MIPOL1: variants seen among roughly 807,000 people sequenced by gnomAD.
MIPOL1 encodes the protein mirror-image polydactyly 1, also known as mirror-image polydactyly gene 1 protein.
Under a neutral mutation model 60.9 loss-of-function variants are expected in MIPOL1, and 57 were observed. That is an observed-to-expected ratio of 0.94 (90% CI 0.76 to 1.17). MIPOL1 has a LOEUF of 1.17. MIPOL1 is among the 50% of genes most tolerant of loss of function. The pLI is 0.00. For synonymous variants in MIPOL1, 179 were observed against 168.8 expected, an observed-to-expected ratio of 1.06 and a Z score of -0.47; for missense variants, 551 against 511.6, an observed-to-expected ratio of 1.08 and a Z score of -0.74.
chr14:37,524,755 A>G (rs2095436765), intron 12 of MIPOL1, among the ~76,000 whole-genome samples: 1 of 151,346 alleles, frequency 6.6e-6, no homozygotes, highest in African/African-American at 2.4e-5. Context: ...TTTTTAGTAG[A>G]GACGGGGTTT....
At chr14:37,297,571 A>C (rs2085873414) in intron 7 of MIPOL1, among the ~76,000 whole-genome samples, 2 of 152,308 alleles carry the variant, frequency 1.3e-5, no homozygotes, top group East Asian at 1.9e-4. Context: ...GTCTCAGCCC[A>C]AAATCTCCTT....
chr14:37,347,039 G>A (rs79796800), intron 9 of MIPOL1, among the ~76,000 whole-genome samples: 15 of 152,148 alleles, frequency 9.9e-5, no homozygotes, highest in Non-Finnish European at 2.1e-4. Context: ...ACTTTAGGTC[G>A]TCCAGCAGCA....
At chr14:37,426,594 T>TATATATACATATAC (rs1447990257) in intron 11 of MIPOL1, among the ~76,000 whole-genome samples, 1 of 125,434 alleles carries the variant, frequency 8.0e-6, no homozygotes, top group Non-Finnish European at 1.6e-5. Context: ...TATATATATA[T>TATATATACATATAC]ACACACACAC....
chr14:37,239,116 G>T (rs1372385865), intron 1 of MIPOL1, among the ~76,000 whole-genome samples: 4 of 150,076 alleles, frequency 2.7e-5, no homozygotes, highest in Admixed American at 2.0e-4. Context: ...GTGGCGCTCG[G>T]CTCACTGCAA....
At chr14:37,305,866 T>C (rs901251971) in intron 7 of MIPOL1, among the ~76,000 whole-genome samples, 3 of 151,898 alleles carry the variant, frequency 2.0e-5, no homozygotes, top group Admixed American at 2.0e-4. Flanking sequence ...GCTAAGTGGC[T>C]GACTTAGCTC....
At chr14:37,388,730 G>A (rs1033464206) in intron 10 of MIPOL1, among the ~76,000 whole-genome samples, 7 of 151,994 alleles carry the variant, frequency 4.6e-5, no homozygotes, top group Admixed American at 6.6e-5. Context: ...TGCTATGCAA[G>A]TAGAGTCATA....
At chr14:37,379,012 A>G (rs1188985696) in intron 10 of MIPOL1, among the ~76,000 whole-genome samples, 5 of 152,080 alleles carry the variant, frequency 3.3e-5, no homozygotes, top group Non-Finnish European at 7.4e-5. Context: ...AGCCGAAACA[A>G]TCTTGAAAAA....
At chr14:37,290,878 A>G (rs1027626457) in intron 7 of MIPOL1, among the ~76,000 whole-genome samples, 3 of 152,044 alleles carry the variant, frequency 2.0e-5, no homozygotes, top group African/African-American at 7.2e-5. Flanking sequence ...CCCACGCTCC[A>G]GTAGGCCCCA....
At chr14:37,235,070 C>T (rs151200254) in intron 1 of MIPOL1, among the ~76,000 whole-genome samples, 86 of 151,108 alleles carry the variant, frequency 5.7e-4, no homozygotes, top group Middle Eastern at 6.9e-3. Context: ...GGATTACAGG[C>T]GTGAGCCATT....
chr14:37,493,877 C>T (rs1010667360), intron 11 of MIPOL1, among the ~76,000 whole-genome samples: 4 of 152,128 alleles, frequency 2.6e-5, no homozygotes, highest in Admixed American at 6.6e-5. Context: ...TTTATGCTTA[C>T]TGTAACTTAA....
chr14:37,212,901 A>C (rs1275648680), intron 1 of MIPOL1, among the ~76,000 whole-genome samples: 2 of 152,172 alleles, frequency 1.3e-5, no homozygotes, highest in Non-Finnish European at 2.9e-5. Context: ...TTTGGGAGAA[A>C]GTAAGGGAAG....
chr14:37,323,489 G>A (rs2088831104), intron 9 of MIPOL1, among the ~76,000 whole-genome samples: 2 of 151,806 alleles, frequency 1.3e-5, no homozygotes, highest in Non-Finnish European at 2.9e-5. Context: ...GAAATTTTAA[G>A]TAGTTAAGTG....
At position 37,476,741 on chromosome 14, in the gene MIPOL1, G is replaced by T. The variant is rs539490779; in HGVS notation, c.1032-23167G>T. ...TGATGGAGTACATTAATTGATTTTTGAATGTTAAACCAGGTTTGCATACCT... is the reference window on the plus strand; with the variant it reads ...TGATGGAGTACATTAATTGATTTTTTAATGTTAAACCAGGTTTGCATACCT... On this transcript the variant is annotated intron_variant, in intron 11 of 12. Transcript: ENST00000684589. Among the ~76,000 whole-genome samples, 6 of 152,032 alleles carry T rather than the reference G, an allele frequency of 3.9e-5. 1 individual carries two copies. In the South Asian group the frequency reaches 1.2e-3, roughly 32 times the overall value.
chr14:37,338,412 C>G (rs1236869729), intron 9 of MIPOL1, among the ~76,000 whole-genome samples: 1 of 10,436 alleles, frequency 9.6e-5, no homozygotes, highest in Non-Finnish European at 2.4e-4. Context: ...GCCTGGCCCC[C>G]CCTTTTTTTT....
chr14:37,487,581 C>T (rs1447456364), intron 11 of MIPOL1, among the ~76,000 whole-genome samples: 2 of 152,112 alleles, frequency 1.3e-5, no homozygotes, highest in Non-Finnish European at 2.9e-5. Context: ...TGTATGTGTG[C>T]AGAAATTTAT....
intron 12 of MIPOL1, among the ~76,000 whole-genome samples, chr14:37,518,406 C>T (rs965544595): frequency 1.3e-5 from 2 of 152,140 alleles, no homozygotes; most frequent in African/African-American, 4.8e-5. Flanking sequence ...GGGATCTCGG[C>T]TCACCGCAAC....
intron 12 of MIPOL1, among the ~76,000 whole-genome samples, chr14:37,524,574 T>C (rs1379506566): frequency 1.4e-5 from 2 of 139,954 alleles, no homozygotes; most frequent in African/African-American, 5.4e-5. Flanking sequence ...TCTTTTCTTT[T>C]TTTTTTTTTT....
chr14:37,543,129 C>T (rs1044499524), intron 12 of MIPOL1, among the ~76,000 whole-genome samples: 4 of 152,210 alleles, frequency 2.6e-5, no homozygotes, highest in Admixed American at 2.0e-4. Context: ...CACCTCACCT[C>T]ATTCTATCCT....
chr14:37,353,367 C>CT (rs1437600357), intron 9 of MIPOL1, among the ~76,000 whole-genome samples: 13 of 116,644 alleles, frequency 1.1e-4, no homozygotes, highest in Non-Finnish European at 1.8e-4. Context: ...CTAAAATTCT[C>CT]TTTTTTTGTT....
Sources: gnomAD v4.1 joint callset for allele counts (sites outside exome capture counted in the v4.1 genomes callset) on GRCh38, gnomAD v4.1.1 for gene constraint, MANE v1.5 for transcripts, NCBI Gene and HGNC (gene_info 2026-07-23, HGNC 2026-07-21) for gene names.